The following MRTFA variants were observed in gnomAD, a reference collection of about 807,000 sequenced individuals.
The protein encoded by MRTFA is myocardin related transcription factor A, also known as myocardin-related transcription factor A.
In MRTFA, 20 loss-of-function variants were observed where a neutral mutation model predicts 83.5. The ratio of observed to expected loss-of-function variants is 0.24; its 90% CI spans 0.17 to 0.35. The LOEUF is 0.35. Among genes scored for constraint, MRTFA ranks in the 10% least tolerant of loss-of-function variants. The pLI is 1.00. For synonymous variants in MRTFA, 659 were observed against 541.2 expected (o/e 1.22, Z -3.02); for missense variants, 1,200 against 1,224.7 (o/e 0.98, Z 0.30).
At chr22:40,502,666 G>A (rs1465331979) in intron 3 of MRTFA, among the ~76,000 whole-genome samples, 1 of 150,568 alleles carries the variant, frequency 6.6e-6, no homozygotes, top group African/African-American at 2.4e-5. Context: ...CCGGGCAGAG[G>A]CTGCAATCTC....
chr22:40,467,391 T>TCCAACTA (rs979276998), intron 3 of MRTFA, among the ~76,000 whole-genome samples: 1 of 152,204 alleles, frequency 6.6e-6, no homozygotes, highest in African/African-American at 2.4e-5. Context: ...GTCTAAGACT[T>TCCAACTA]CCAACTACAA....
In MRTFA at chr22:40,577,529, C is replaced by T. The variant is rs139612269; in HGVS notation, c.-22+17145G>A. On this transcript the variant is annotated intron_variant, in intron 2 of 14. Coordinates refer to ENST00000355630, the MANE Select transcript of MRTFA (RefSeq NM_020831.6). ...TTCTAAACGTCTCTGGGGCACTACCCATCTCTGACATGCCTTCACAAGGTA... is the reference window on the plus strand; with the variant it reads ...TTCTAAACGTCTCTGGGGCACTACCTATCTCTGACATGCCTTCACAAGGTA... Among the ~76,000 whole-genome samples the T allele has an allele frequency of 5.6e-3, 852 of 152,140 alleles. 10 individuals carry two copies. The highest frequency in any genetic ancestry group is 0.02 in the African/African-American group (820 of 41,524).
chr22:40,411,173 G>A lies in MRTFA; in HGVS notation c.*217C>T, dbSNP rs1453778701. On this transcript the variant is annotated 3_prime_UTR_variant, in exon 15 of 15. Coordinates refer to ENST00000355630, the MANE Select transcript of MRTFA (RefSeq NM_020831.6). ...GTGTGTCCAAAACCCCAGCGTGAGA[G>A]CCAGGGCTGCTTCTTGACAGCTGCT... is the stretch of plus-strand genomic sequence containing the variant. 1.1e-5 allele frequency: 5 copies of A among 454,576 alleles called. No homozygotes were observed. The Admixed American group carries it at 1.1e-4, about 10-fold the overall frequency. 28.2% of individuals were successfully genotyped at this position (454,576 alleles called of 1,614,324 possible). A position where few individuals can be genotyped will look rare whatever the true frequency, so the allele number is the denominator to read the frequency against.
intron 2 of MRTFA, among the ~76,000 whole-genome samples, chr22:40,582,676 A>T (rs1193415370): frequency 7.8e-6 from 1 of 128,876 alleles, no homozygotes; most frequent in Non-Finnish European, 1.8e-5. Flanking sequence ...ACACACACAC[A>T]CACACACACA....
At chr22:40,470,948 C>CA (rs1197858868) in intron 3 of MRTFA, among the ~76,000 whole-genome samples, 1 of 151,122 alleles carries the variant, frequency 6.6e-6, no homozygotes, top group Non-Finnish European at 1.5e-5. Flanking sequence ...GATTCCGTCT[C>CA]AAAAAACAAA....
chr22:40,620,019 G>A (rs182020733), intron 1 of MRTFA, among the ~76,000 whole-genome samples: 3 of 151,588 alleles, frequency 2.0e-5, no homozygotes, highest in African/African-American at 4.8e-5. Context: ...GTGCAGTGGC[G>A]TGATCTTGGC....
chr22:40,568,040 C>G (rs1475231000), intron 2 of MRTFA, among the ~76,000 whole-genome samples: 3 of 152,100 alleles, frequency 2.0e-5, no homozygotes, highest in Non-Finnish European at 4.4e-5. Flanking sequence ...AGTATCCAAA[C>G]ACAGCAACAC....
At chr22:40,632,197 C>T (rs1373557272) in intron 1 of MRTFA, among the ~76,000 whole-genome samples, 8 of 152,226 alleles carry the variant, frequency 5.3e-5, no homozygotes, top group Non-Finnish European at 1.2e-4. Flanking sequence ...CCTGCACCAA[C>T]CTGCCAGCAA....
intron 3 of MRTFA, among the ~76,000 whole-genome samples, chr22:40,539,732 G>C (rs566492758): frequency 1.3e-5 from 2 of 151,828 alleles, no homozygotes; most frequent in Non-Finnish European, 1.5e-5. Flanking sequence ...TCGATCTCTT[G>C]ACCTCGTGAT....
intron 1 of MRTFA, among the ~76,000 whole-genome samples, chr22:40,630,549 A>G (rs1166745466): frequency 1.3e-4 from 20 of 152,206 alleles, no homozygotes; most frequent in Admixed American, 1.3e-3. Flanking sequence ...TAACAAATCT[A>G]CTTCCTAAAG....
chr22:40,457,437 A>AGAAAGAAG (rs2053607385), intron 4 of MRTFA, among the ~76,000 whole-genome samples: 2 of 6,902 alleles, frequency 2.9e-4, no homozygotes, highest in African/African-American at 4.8e-4. Context: ...AGAAAGAAAG[A>AGAAAGAAG]GAAAGAAAGA....
chr22:40,422,607 C>G (rs1457470977), intron 9 of MRTFA, among the ~76,000 whole-genome samples: 3 of 152,218 alleles, frequency 2.0e-5, no homozygotes, highest in African/African-American at 7.2e-5. Context: ...TTCAGGAAGC[C>G]ACAGTGACTT....
At position 40,480,198 on chromosome 22, in the gene MRTFA, GCT is replaced by G. The variant is rs554071764; in HGVS notation, c.242-16914_242-16913del. Among the ~76,000 whole-genome samples the G allele has an allele frequency of 4.5e-4, 68 of 152,150 alleles. No homozygotes were observed. The South Asian group carries it at 0.01, about 23-fold the overall frequency. ...AAGGTAGAGCAGAAATTGGAACCCA[GCT>G]CTGTCTGAATGTATAGCCTGAATCT... On this transcript the variant is annotated intron_variant, in intron 3 of 14. Transcript: ENST00000355630.
At position 40,544,360 on chromosome 22, in the gene MRTFA, G is replaced by A. The variant is rs573056514; in HGVS notation, c.241+7746C>T. 2.0e-5 allele frequency among the ~76,000 whole-genome samples: 3 copies of A among 152,150 alleles called. No individual in the cohort carries two copies. The South Asian group carries it at 6.2e-4, about 32-fold the overall frequency. On this transcript the variant is annotated intron_variant, in intron 3 of 14. Transcript: ENST00000355630. Reference sequence around the variant, plus strand: ...AGTGATCCTTCTGCCTCAGCCTCCTGAGTAGGTGGGACTACAGGCATGAGC... The same window carrying A: ...AGTGATCCTTCTGCCTCAGCCTCCTAAGTAGGTGGGACTACAGGCATGAGC...
intron 1 of MRTFA, among the ~76,000 whole-genome samples, chr22:40,624,884 A>C (rs550556822): frequency 6.6e-6 from 1 of 152,300 alleles, no homozygotes; most frequent in Admixed American, 6.5e-5. Context: ...TTTCAGGTAA[A>C]GGTCAAAACA....
rs201908641 is a variant in MRTFA, at chr22:40,521,490, GAATT to G, written c.241+30612_241+30615del. On this transcript the variant is annotated intron_variant, in intron 3 of 14. Coordinates refer to ENST00000355630, the MANE Select transcript of MRTFA (RefSeq NM_020831.6). ...GTTGCTGAGCAGTATCCCACAGCCTGAATTAATTAATTAATTAATTAATTATGAG... is the reference window on the plus strand; with the variant it reads ...GTTGCTGAGCAGTATCCCACAGCCTGAATTAATTAATTAATTAATTATGAG... Among the ~76,000 whole-genome samples, 319 of 151,824 alleles carry G rather than the reference GAATT, an allele frequency of 2.1e-3. 2 individuals carry two copies. Among genetic ancestry groups the G allele is most frequent in the Middle Eastern group, 0.02 (6 of 294 alleles).
At chr22:40,488,134 T>C (rs1302092796) in intron 3 of MRTFA, among the ~76,000 whole-genome samples, 1 of 152,140 alleles carries the variant, frequency 6.6e-6, no homozygotes, top group Admixed American at 6.5e-5. Context: ...AATACATTAC[T>C]AGAGTACAAA....
At chr22:40,605,558 T>C (rs967436750) in intron 1 of MRTFA, among the ~76,000 whole-genome samples, 5 of 152,226 alleles carry the variant, frequency 3.3e-5, no homozygotes, top group African/African-American at 4.8e-5. Context: ...GGTAAGAGTT[T>C]TGAGCAGAGA....
chr22:40,411,728 T>TCTCCAGGAAGTC lies in MRTFA; in HGVS notation c.2746_2757dup (p.Asp916_Glu919dup), dbSNP rs757665049. 1.9e-5 allele frequency: 30 copies of TCTCCAGGAAGTC among 1,560,414 alleles called. No homozygotes were observed. The highest frequency in any genetic ancestry group is 2.4e-5 in the Non-Finnish European group (27 of 1,147,328). ...GTCAGCAGGGGCAGCCCCGTGCTGC[T>TCTCCAGGAAGTC]CTCCAGGAAGTCCTCCAGGCGTCCA... On this transcript the variant is annotated inframe_insertion, in exon 15 of 15. Coordinates refer to ENST00000355630, the MANE Select transcript of MRTFA (RefSeq NM_020831.6).
Sources: allele counts gnomAD v4.1 joint callset (sites outside exome capture counted in the v4.1 genomes callset), GRCh38; gene constraint gnomAD v4.1.1; transcripts MANE v1.5; gene names NCBI Gene and HGNC (gene_info 2026-07-23, HGNC 2026-07-21).